The following ERBB4 variants were observed in gnomAD, a reference collection of about 807,000 sequenced individuals.
ERBB4 encodes erb-b2 receptor tyrosine kinase 4.
Under a neutral mutation model 158.0 loss-of-function variants are expected in ERBB4, and 42 were observed. The observed-to-expected ratio is 0.27, with a 90% confidence interval of 0.21 to 0.34. The LOEUF (loss-of-function observed/expected upper bound fraction) is 0.34, where lower values mean the gene tolerates loss of function less well. ERBB4 is among the 10% of genes least tolerant of loss of function. The pLI, the probability that ERBB4 is intolerant of heterozygous loss-of-function variation, is 1.00. For synonymous variants in ERBB4, 583 were observed against 558.7 expected (o/e 1.04, Z -0.61); for missense variants, 1,333 against 1,624.1 (o/e 0.82, Z 3.08).
intron 1 of ERBB4, among the ~76,000 whole-genome samples, chr2:212,470,405 C>T (rs944424521): frequency 6.6e-6 from 1 of 152,024 alleles, no homozygotes; most frequent in Admixed American, 6.6e-5. Flanking sequence ...ATAAGGATTG[C>T]CTATCATAGG....
intron 1 of ERBB4, among the ~76,000 whole-genome samples, chr2:212,197,941 G>A (rs575589425): frequency 1.3e-5 from 2 of 152,260 alleles, no homozygotes; most frequent in South Asian, 4.1e-4. Context: ...ATTTCATGTA[G>A]TTAAGACAGA....
intron 3 of ERBB4, among the ~76,000 whole-genome samples, chr2:211,930,194 A>G (rs2080135479): frequency 6.6e-6 from 1 of 152,202 alleles, no homozygotes; most frequent in Non-Finnish European, 1.5e-5. Context: ...AAGCAAGGAT[A>G]TAGACATAAT....
At chr2:211,861,130 A>T (rs1309950742) in intron 3 of ERBB4, among the ~76,000 whole-genome samples, 1 of 29,066 alleles carries the variant, frequency 3.4e-5, no homozygotes, top group African/African-American at 1.4e-4. Flanking sequence ...TATTTTATAT[A>T]TATATATATA....
intron 25 of ERBB4, among the ~76,000 whole-genome samples, chr2:211,397,293 A>G (rs755804347): frequency 5.9e-5 from 9 of 152,234 alleles, no homozygotes; most frequent in Admixed American, 1.3e-4. Context: ...AATTTTCTAA[A>G]ATAAAAAAAT....
At chr2:211,830,718 G>C (rs1049745620) in intron 3 of ERBB4, among the ~76,000 whole-genome samples, 11 of 151,890 alleles carry the variant, frequency 7.2e-5, no homozygotes, top group African/African-American at 1.4e-4. Flanking sequence ...GTATGTTTAA[G>C]TAGGTCACAT....
At chr2:212,373,862 TCC>T (rs1206286233) in intron 1 of ERBB4, among the ~76,000 whole-genome samples, 5 of 133,222 alleles carry the variant, frequency 3.8e-5, no homozygotes, top group Admixed American at 7.8e-5. Context: ...CATGTATATA[TCC>T]ATATATATAT....
At chr2:212,150,261 C>T (rs540107634) in intron 1 of ERBB4, among the ~76,000 whole-genome samples, 1 of 152,212 alleles carries the variant, frequency 6.6e-6, no homozygotes, top group Admixed American at 6.5e-5. Flanking sequence ...CCCAGGCATT[C>T]CTTGGCTTTT....
At chr2:212,207,523 G>T (rs1370955504) in intron 1 of ERBB4, among the ~76,000 whole-genome samples, 1 of 152,140 alleles carries the variant, frequency 6.6e-6, no homozygotes, top group East Asian at 1.9e-4. Context: ...TTCAACTGCA[G>T]TGGAATCTGA....
rs16846560 is a variant in ERBB4, at chr2:211,599,695, G to T, written c.2301+19482C>A. Among the ~76,000 whole-genome samples the T allele has an allele frequency of 7.2e-3, 1,091 of 152,122 alleles. 16 individuals are homozygous for T. Among genetic ancestry groups the T allele is most frequent in the African/African-American group, 0.025 (1,045 of 41,486 alleles). On this transcript the variant is annotated intron_variant, in intron 19 of 27. Coordinates refer to ENST00000342788, the MANE Select transcript of ERBB4 (RefSeq NM_005235.3). ...ATATTTCTGTAGCTGTTAATAATAA[G>T]GTTGACAGTACTACTGCCAAGCTCT...
At chr2:212,394,169 T>C (rs998534559) in intron 1 of ERBB4, among the ~76,000 whole-genome samples, 3 of 152,096 alleles carry the variant, frequency 2.0e-5, no homozygotes, top group African/African-American at 7.2e-5. Context: ...CTAACTAAAA[T>C]GGTCTCATGT....
chr2:212,213,707 A>G (rs1360067579), intron 1 of ERBB4, among the ~76,000 whole-genome samples: 3 of 151,868 alleles, frequency 2.0e-5, no homozygotes, highest in African/African-American at 7.2e-5. Flanking sequence ...TCTAATGGCA[A>G]AGGCTCTTCA....
chr2:211,692,897 G>T (rs183277026), intron 12 of ERBB4, among the ~76,000 whole-genome samples: 1 of 152,124 alleles, frequency 6.6e-6, no homozygotes, highest in East Asian at 1.9e-4. Flanking sequence ...TGTAGGCAAG[G>T]TTAGACATGT....
intron 2 of ERBB4, among the ~76,000 whole-genome samples, chr2:211,978,392 GTCTGTCTATCTATCTA>G (rs1414750009): frequency 6.6e-4 from 68 of 102,302 alleles, no homozygotes; most frequent in African/African-American, 2.8e-3. Context: ...CTGTCTGTCT[GTCTGTCTATCTATCTA>G]TCTATCTATC....
At chr2:211,683,647 T>C (rs1851191) in intron 12 of ERBB4, among the ~76,000 whole-genome samples, 61,721 of 151,942 alleles carry the variant, frequency 0.41, 13,905 homozygotes, top group East Asian at 0.9. Flanking sequence ...TAAACATTTG[T>C]GTATATGATT....
Position 212,062,460 on chromosome 2 carries a change from C to T in ERBB4, c.234+62292G>A, listed in dbSNP as rs537884298. ...TTGAGATGGAGTCTCACTCTGTTGC[C>T]AGGCTGGTGCAATCTCGGCTCACTG... On this transcript the variant is annotated intron_variant, in intron 2 of 27. Transcript: ENST00000342788. Among the ~76,000 whole-genome samples, 16 of 116,898 alleles carry T rather than the reference C, an allele frequency of 1.4e-4. No individual in the cohort carries two copies. The Admixed American group carries it at 1.7e-3, about 12-fold the overall frequency. The allele number at this position is 116,898 out of a possible 152,430, so 76.7% of individuals were successfully genotyped here. A position where few individuals can be genotyped will look rare whatever the true frequency, so the allele number is the denominator to read the frequency against.
At chr2:212,245,988 A>C (rs1397481069) in intron 1 of ERBB4, among the ~76,000 whole-genome samples, 1 of 152,142 alleles carries the variant, frequency 6.6e-6, no homozygotes, top group Non-Finnish European at 1.5e-5. Flanking sequence ...CTGAGTCAAC[A>C]GGCTTTGCAT....
At chr2:211,734,894 C>G (rs2074551882) in intron 5 of ERBB4, among the ~76,000 whole-genome samples, 1 of 104,438 alleles carries the variant, frequency 9.6e-6, no homozygotes, top group South Asian at 3.4e-4. Flanking sequence ...GCCTGGGCGA[C>G]AAGCGAGACT....
intron 2 of ERBB4, among the ~76,000 whole-genome samples, chr2:211,997,846 T>G (rs2125271565): frequency 1.3e-5 from 2 of 151,974 alleles, no homozygotes; most frequent in East Asian, 3.9e-4. Context: ...CTTCAAAATC[T>G]AAATGTAATG....
chr2:211,673,349 G>A, intron 13 of ERBB4, 92 bp from the exon 14 acceptor site: 2 of 886,508 alleles, frequency 2.3e-6, no homozygotes, highest in South Asian at 1.4e-5. Flanking sequence ...TATTGGCAGA[G>A]TAAATTCTAA....
Sources: allele counts gnomAD v4.1 joint callset (sites outside exome capture counted in the v4.1 genomes callset), GRCh38; gene constraint gnomAD v4.1.1; transcripts MANE v1.5; gene names NCBI Gene and HGNC (gene_info 2026-07-23, HGNC 2026-07-21).